PAK6: variants seen among roughly 807,000 people sequenced by gnomAD.
PAK6 encodes the protein p21 (RAC1) activated kinase 6, also known as serine/threonine-protein kinase PAK 6.
A neutral mutation model predicts 60.8 loss-of-function variants in PAK6; 33 were observed. The observed-to-expected ratio is 0.54, with a 90% CI of 0.41 to 0.73. The LOEUF is 0.73. Ranked by LOEUF, PAK6 falls within the 30% of genes least tolerant of loss-of-function variation. The pLI, the probability that PAK6 is intolerant of heterozygous loss-of-function variation, is 0.00. For synonymous variants in PAK6, 404 were observed against 378.5 expected, an observed-to-expected ratio of 1.07 and a Z score of -0.78; for missense variants, 845 against 904.1, an observed-to-expected ratio of 0.93 and a Z score of 0.84.
intron 3 of PAK6, among the ~76,000 whole-genome samples, chr15:40,261,027 T>C (rs12900822): frequency 6.6e-6 from 1 of 151,810 alleles, no homozygotes; most frequent in Non-Finnish European, 1.5e-5. Flanking sequence ...TAGCTGGGAC[T>C]ACAGGTGCCC....
chr15:40,266,756 A>T (rs2039150348), intron 5 of PAK6: 1 of 415,370 alleles, frequency 2.4e-6, no homozygotes, highest in Admixed American at 4.1e-5. Context: ...GTGTGGCCAT[A>T]GGAAAAGCTG....
At chr15:40,265,993 A>T (rs578125124) in exon 5 of PAK6, 8 of 1,600,802 alleles carry the variant, frequency 5.0e-6, no homozygotes, top group Middle Eastern at 1.6e-4. Context: ...CTGCTGGGGG[A>T]TGAGCACTGG....
Position 40,274,459 on chromosome 15 carries a change from C to T in PAK6, c.1878+183C>T, listed in dbSNP as rs534219850. The stretch of plus-strand genomic sequence containing the variant: ...GTGGAGCCGCATCTACGCACAAGTT[C>T]GCATGTGCGCTCCGACAAGTCGCCT... On this transcript the variant is annotated intron_variant, in intron 10 of 10. Transcript: ENST00000560346. 1.1e-4 allele frequency among the ~76,000 whole-genome samples: 16 copies of T among 152,366 alleles called. No homozygotes were observed. In the East Asian group the frequency reaches 2.1e-3, roughly 20 times the overall value.
intron 3 of PAK6, among the ~76,000 whole-genome samples, chr15:40,261,747 G>A (rs1373630660): frequency 6.6e-6 from 1 of 152,060 alleles, no homozygotes; most frequent in Non-Finnish European, 1.5e-5. Flanking sequence ...GATGGCCTCT[G>A]GTTTCTAAAG....
At chr15:40,255,518 C>A (rs1162824035) in intron 3 of PAK6, among the ~76,000 whole-genome samples, 1 of 152,190 alleles carries the variant, frequency 6.6e-6, no homozygotes, top group East Asian at 1.9e-4. Context: ...TTGTGGGCAT[C>A]CACATGAGGG....
intron 3 of PAK6, chr15:40,264,372 T>G: frequency 2.2e-6 from 1 of 457,884 alleles, no homozygotes; most frequent in East Asian, 6.9e-5. Context: ...AGAATCAAGG[T>G]CATACTCGTT....
At chr15:40,259,325 C>G (rs1024000907) in intron 3 of PAK6, 8 of 152,262 alleles carry the variant, frequency 5.3e-5, no homozygotes, top group African/African-American at 1.9e-4. Flanking sequence ...CCTGGCTGAC[C>G]GGGTGGGAGT....
chr15:40,265,086 C>T, intron 4 of PAK6, 97 bp downstream of exon 4: 1 of 1,053,856 alleles, frequency 9.5e-7, no homozygotes, highest in Non-Finnish European at 1.4e-6. Flanking sequence ...GAACCACCTA[C>T]TTCACAGCTA....
At chr15:40,264,722 C>A in intron 3 of PAK6, 59 bp from the exon 4 acceptor site, 1 of 1,486,500 alleles carries the variant, frequency 6.7e-7, no homozygotes, top group South Asian at 1.2e-5. Flanking sequence ...GTGCCCCAGG[C>A]CCTGCTGCAG....
rs560384271 is a variant in PAK6 at position 40,247,873 on chromosome 15, A to G, written c.-117-5305A>G. On this transcript the variant is annotated intron_variant, in intron 2 of 10. Coordinates refer to ENST00000560346, the Ensembl canonical transcript of PAK6. ...TGGGATTCTACTCCATGGCACATCAAACCAAGCTCCAGTGTGCATGCCCAG... is the reference window on the plus strand; with the variant it reads ...TGGGATTCTACTCCATGGCACATCAGACCAAGCTCCAGTGTGCATGCCCAG... Among the ~76,000 whole-genome samples, 3 of 152,212 alleles carry G rather than the reference A, an allele frequency of 2.0e-5. No homozygotes were observed. In the South Asian group the frequency reaches 6.2e-4, roughly 32 times the overall value.
chr15:40,266,092 C>T (rs754753286), exon 5 of PAK6: 2 of 1,609,750 alleles, frequency 1.2e-6, no homozygotes, highest in Non-Finnish European at 1.7e-6. Context: ...GGGGGCACAC[C>T]AGCAGGCCAC....
chr15:40,272,319 C>T, exon 6 of PAK6: 1 of 1,614,018 alleles, frequency 6.2e-7, no homozygotes, highest in Non-Finnish European at 8.5e-7. Flanking sequence ...TGGGGACCTT[C>T]AGCCCTCTGA....
chr15:40,273,258 C>T, intron 7 of PAK6, 88 bp from the exon 8 acceptor site: 4 of 1,481,388 alleles, frequency 2.7e-6, no homozygotes, highest in East Asian at 2.3e-5. Flanking sequence ...TGGGGCCTAG[C>T]ACCAGGGACT....
At chr15:40,271,295 C>G (rs2039294767) in intron 5 of PAK6, among the ~76,000 whole-genome samples, 1 of 152,194 alleles carries the variant, frequency 6.6e-6, no homozygotes, top group Non-Finnish European at 1.5e-5. Context: ...GCCTCGCAGG[C>G]TTCCAGGGCT....
chr15:40,258,814 C>T (rs12102050), intron 3 of PAK6: 79,538 of 145,362 alleles, frequency 0.55, 22,634 homozygotes, highest in Non-Finnish European at 0.69. Flanking sequence ...GGGCATCCCC[C>T]GATGCAGTCA....
At chr15:40,262,836 A>AC (rs537695495) in intron 3 of PAK6, among the ~76,000 whole-genome samples, 1 of 151,226 alleles carries the variant, frequency 6.6e-6, no homozygotes, top group Admixed American at 6.6e-5. Flanking sequence ...TCTTTCATTA[A>AC]CCCCCCTGGC....
chr15:40,245,995 G>C (rs760376879), intron 2 of PAK6: 1 of 152,298 alleles, frequency 6.6e-6, no homozygotes, highest in Non-Finnish European at 1.5e-5. Flanking sequence ...CATTCTGCTA[G>C]ACCTGAAACC....
chr15:40,260,143 C>T (rs888971530), intron 3 of PAK6: 6 of 152,142 alleles, frequency 3.9e-5, no homozygotes, highest in African/African-American at 1.4e-4. Context: ...ACCACCAAAT[C>T]GGGCCCCTCA....
Position 40,273,403 on chromosome 15 carries a change from C to T in PAK6, c.1548C>T (p.Tyr516=), listed in dbSNP as rs745937683. 4 of 1,613,976 alleles carry T rather than the reference C, an allele frequency of 2.5e-6. No homozygotes were observed. In the South Asian group the frequency reaches 4.4e-5, roughly 18 times the overall value. Residue 516 remains tyrosine, a synonymous_variant, in exon 8 of 11, where the codon TAC becomes TAT. Transcript: ENST00000560346. ...AGGCTGTGCTGCAGGCCCTGGCCTA[C>T]CTGCATGCTCAGGGTGTCATCCACC...
Sources: allele counts gnomAD v4.1 joint callset (sites outside exome capture counted in the v4.1 genomes callset), GRCh38; gene constraint gnomAD v4.1.1; transcripts MANE v1.5; gene names NCBI Gene and HGNC (gene_info 2026-07-23, HGNC 2026-07-21).